TMEM165: variants seen among roughly 807,000 people sequenced by gnomAD.
TMEM165 encodes putative divalent cation/proton antiporter TMEM165.
In TMEM165, 19 loss-of-function variants were observed where a neutral mutation model predicts 30.0. The observed-to-expected ratio is 0.63, with a 90% CI of 0.44 to 0.93. The LOEUF (loss-of-function observed/expected upper bound fraction) is 0.93, where lower values mean the gene tolerates loss of function less well. Among genes scored for constraint, TMEM165 ranks in the 40% least tolerant of loss-of-function variants. TMEM165 has a pLI of 0.00. For synonymous variants in TMEM165, 168 were observed against 162.9 expected (o/e 1.03, Z -0.24); for missense variants, 340 against 417.0 (o/e 0.82, Z 1.61).
chr4:55,442,683 T>C (rs1723468976), intron 3 of TMEM165: 1 of 1,476,114 alleles, frequency 6.8e-7, no homozygotes, highest in Non-Finnish European at 9.4e-7. Flanking sequence ...AAAATAATTA[T>C]TTGGGAAGTA....
intron 3 of TMEM165, among the ~76,000 whole-genome samples, chr4:55,445,958 A>G (rs73151873): frequency 0.1 from 15,754 of 151,738 alleles, 2,777 homozygotes; most frequent in African/African-American, 0.36. Flanking sequence ...TTACCAGTTA[A>G]TAATTTTTTA....
chr4:55,448,361 G>A (rs761428695), intron 3 of TMEM165, among the ~76,000 whole-genome samples: 36 of 152,122 alleles, frequency 2.4e-4, no homozygotes, highest in Non-Finnish European at 5.9e-5. Flanking sequence ...ATATCTTTAT[G>A]TCTACAGTGT....
chr4:55,409,097 A>G (rs990013694), intron 1 of TMEM165, among the ~76,000 whole-genome samples: 9 of 152,174 alleles, frequency 5.9e-5, no homozygotes, highest in Admixed American at 5.2e-4. Flanking sequence ...AATAATGGAG[A>G]GAAAGCAAGA....
downstream of TMEM165, among the ~76,000 whole-genome samples, chr4:55,426,919 A>T (rs930467893): frequency 2.6e-5 from 4 of 152,244 alleles, no homozygotes; most frequent in African/African-American, 9.6e-5. Flanking sequence ...TGCTATAGGA[A>T]GTATCAAAGG....
At chr4:55,412,788 G>C (rs962783638) in intron 2 of TMEM165, 2 of 151,852 alleles carry the variant, frequency 1.3e-5, no homozygotes, top group Admixed American at 1.3e-4. Flanking sequence ...ATAAAAATAT[G>C]CATTTAATAT....
In TMEM165 at chr4:55,396,090, G is replaced by A; in HGVS notation, c.-100G>A. Reference sequence around the variant, plus strand: ...CTGCTCCCTAAGCGGCGGCGGCGGCGAGTCGTGAGGACGCGCCGCGGAGGC... The same window carrying A: ...CTGCTCCCTAAGCGGCGGCGGCGGCAAGTCGTGAGGACGCGCCGCGGAGGC... On this transcript the variant is annotated 5_prime_UTR_variant, in exon 1 of 6. Coordinates refer to ENST00000381334, the MANE Select transcript of TMEM165 (RefSeq NM_018475.5). The A allele has an allele frequency of 4.9e-6, 5 of 1,022,448 alleles. No individual in the cohort carries two copies. The highest frequency in any genetic ancestry group is 6.4e-6 in the Non-Finnish European group (5 of 784,364). The allele number at this position is 1,022,448 out of a possible 1,614,324, so 63.3% of individuals were successfully genotyped here.
rs201598051 is a variant in TMEM165, at chr4:55,453,172, C to T, written c.*866C>T. The stretch of plus-strand genomic sequence containing the variant: ...AATCAAATTTTAGTGTCTGGTCATT[C>T]GTTTAAAATACTGCACAGCTGTAAC... On this transcript the variant is annotated 3_prime_UTR_variant, in exon 4 of 4. Transcript: ENST00000608091. 14 of 1,461,518 alleles carry T rather than the reference C, an allele frequency of 9.6e-6. No homozygotes were observed. The African/African-American group carries it at 9.7e-5, about 10-fold the overall frequency. The allele number at this position is 1,461,518 out of a possible 1,614,324, so 90.5% of individuals were successfully genotyped here.
chr4:55,422,205 T>G (rs1333255584), intron 4 of TMEM165, among the ~76,000 whole-genome samples: 1 of 152,228 alleles, frequency 6.6e-6, no homozygotes, highest in Admixed American at 6.5e-5. Context: ...ATGCTGCCTT[T>G]GTCCCTCATG....
intron 3 of TMEM165, among the ~76,000 whole-genome samples, chr4:55,448,320 G>C (rs928014846): frequency 1.3e-5 from 2 of 152,110 alleles, no homozygotes; most frequent in Non-Finnish European, 2.9e-5. Flanking sequence ...TTCATAGGAG[G>C]AACAAAATGA....
intron 4 of TMEM165, among the ~76,000 whole-genome samples, chr4:55,421,054 C>T (rs1721953719): frequency 1.3e-5 from 2 of 151,102 alleles, no homozygotes; most frequent in African/African-American, 4.8e-5. Context: ...TGGTGGCCCA[C>T]GCCTGTAGTC....
At chr4:55,438,133 G>A (rs1487763526) in intron 3 of TMEM165, 1 of 1,103,434 alleles carries the variant, frequency 9.1e-7, no homozygotes, top group Non-Finnish European at 1.3e-6. Context: ...TCGCCAACCA[G>A]AACAAGCTTT....
At chr4:55,438,398 G>C in intron 3 of TMEM165, 2 of 1,613,942 alleles carry the variant, frequency 1.2e-6, no homozygotes, top group Non-Finnish European at 1.7e-6. Flanking sequence ...GACAATGTCT[G>C]TGACTGTTGC....
intron 1 of TMEM165, among the ~76,000 whole-genome samples, chr4:55,396,874 TG>T (rs895068660): frequency 2.6e-5 from 4 of 152,120 alleles, no homozygotes; most frequent in African/African-American, 9.7e-5. Context: ...TTATGAACCA[TG>T]ACTCTCACTT....
chr4:55,418,177 T>C (rs1721819100), intron 4 of TMEM165, 192 bp downstream of exon 4: 2 of 496,004 alleles, frequency 4.0e-6, no homozygotes, highest in Non-Finnish European at 6.8e-6. Context: ...GAAATTCTTG[T>C]AACCAAGCTC....
At chr4:55,453,227 T>C in exon 4 of TMEM165, 1 of 972,806 alleles carries the variant, frequency 1.0e-6, no homozygotes, top group Non-Finnish European at 1.6e-6. Flanking sequence ...TCTCATCTGT[T>C]CATCTAGACT....
intron 3 of TMEM165, among the ~76,000 whole-genome samples, chr4:55,451,136 C>G (rs1724411836): frequency 6.6e-6 from 1 of 152,096 alleles, no homozygotes; most frequent in South Asian, 2.1e-4. Flanking sequence ...TCCCTATTCA[C>G]TGTCCCTAAT....
At chr4:55,438,474 G>C (rs773225666) in intron 3 of TMEM165, 26 of 1,613,814 alleles carry the variant, frequency 1.6e-5, no homozygotes, top group Non-Finnish European at 2.1e-5. Context: ...TAGGTACCAT[G>C]ACTGCCCCAC....
intron 1 of TMEM165, chr4:55,403,123 A>C: frequency 1.7e-6 from 1 of 593,254 alleles, no homozygotes. Context: ...AGTAGTGCCC[A>C]GGAGACAGTT....
At chr4:55,397,599 G>A (rs1036672782) in intron 1 of TMEM165, among the ~76,000 whole-genome samples, 1 of 151,964 alleles carries the variant, frequency 6.6e-6, no homozygotes, top group Non-Finnish European at 1.5e-5. Flanking sequence ...AAATTTCTTG[G>A]TTAAGGGTGA....
Sources: allele counts gnomAD v4.1 joint callset (sites outside exome capture counted in the v4.1 genomes callset), GRCh38; gene constraint gnomAD v4.1.1; transcripts MANE v1.5; gene names NCBI Gene and HGNC (gene_info 2026-07-23, HGNC 2026-07-21).